WDR33: variants seen among roughly 807,000 people sequenced by gnomAD.
WDR33 encodes the protein WD repeat domain 33, also known as pre-mRNA 3' end processing protein WDR33.
A neutral mutation model predicts 164.9 loss-of-function variants in WDR33; 47 were observed. The ratio of observed to expected loss-of-function variants is 0.29; its 90% confidence interval spans 0.23 to 0.36. The LOEUF (loss-of-function observed/expected upper bound fraction) is 0.36, where lower values mean the gene tolerates loss of function less well. Among genes scored for constraint, WDR33 ranks in the 10% least tolerant of loss-of-function variants. The probability of loss-of-function intolerance (pLI) is 1.00; values close to 1 mark genes in which losing one functional copy is unlikely to be tolerated. For missense variants in WDR33, 1,137 were observed against 1,754.1 expected, an observed-to-expected ratio of 0.65 and a Z score of 6.28; for synonymous variants, 505 against 589.0, an observed-to-expected ratio of 0.86 and a Z score of 2.06.
At chr2:127,774,242 G>A (rs1688109052) in intron 1 of WDR33, among the ~76,000 whole-genome samples, 1 of 151,094 alleles carries the variant, frequency 6.6e-6, no homozygotes, top group Non-Finnish European at 1.5e-5. Flanking sequence ...AGTAAAGACA[G>A]GGTTTCACCA....
Position 127,735,900 on chromosome 2 carries a change from A to C in WDR33, c.725-9123T>G, listed in dbSNP as rs1686826961. 1.0e-6 allele frequency: 1 copy of C among 985,354 alleles called. No homozygotes were observed. Among genetic ancestry groups the C allele is most frequent in the Non-Finnish European group, 1.2e-6 (1 of 829,942 alleles). 61.0% of individuals were successfully genotyped at this position (985,354 alleles called of 1,614,324 possible). ...ATTAGTCATCTTTGTTGTCCAGTCT[A>C]GAAAGTTACATCAGTGAAAAACTAT... On this transcript the variant is annotated intron_variant, in intron 7 of 21. Coordinates refer to ENST00000322313, the MANE Select transcript of WDR33 (RefSeq NM_018383.5). This position sits in a 1 kb window ranked among gnomAD's most constrained non-coding sequence, Gnocchi z 4.3.
chr2:127,785,362 T>C (rs963259878), intron 1 of WDR33, among the ~76,000 whole-genome samples: 79 of 152,212 alleles, frequency 5.2e-4, no homozygotes, highest in African/African-American at 1.7e-3. Context: ...TGTATTAGCA[T>C]ACATAGGTTC....
Position 127,719,281 on chromosome 2 carries a change from CG to C in WDR33, c.2743del (p.Arg915GlyfsTer16). The C allele has an allele frequency of 6.9e-7, 1 of 1,442,480 alleles. No homozygotes were observed. Among genetic ancestry groups the C allele is most frequent in the East Asian group, 2.4e-5 (1 of 41,260 alleles). The allele number at this position is 1,442,480 out of a possible 1,614,324, so 89.4% of individuals were successfully genotyped here. A position where few individuals can be genotyped will look rare whatever the true frequency, so the allele number is the denominator to read the frequency against. ...GAATAATACCTGGTTGAAGGGGGCCCGGGGCCCATCACCTAGCAGAGGCGTT... is the reference window on the plus strand; with the variant it reads ...GAATAATACCTGGTTGAAGGGGGCCCGGGCCCATCACCTAGCAGAGGCGTT... ...QKTPLLGDGP[R>X]APFNQEGQST... On this transcript the variant is annotated frameshift_variant, in exon 16 of 22. Coordinates refer to ENST00000322313, the MANE Select transcript of WDR33 (RefSeq NM_018383.5). LOFTEE classifies it high-confidence loss of function. The surrounding 1 kb of genome is among the most constrained non-coding windows in gnomAD (Gnocchi z 6.5).
chr2:127,805,044 G>C (rs1042081649), intron 1 of WDR33, among the ~76,000 whole-genome samples: 1 of 138,232 alleles, frequency 7.2e-6, no homozygotes, highest in Non-Finnish European at 1.5e-5. Flanking sequence ...CATAAATCAC[G>C]TATCATCACC....
chr2:127,753,121 T>C (rs909981398), intron 7 of WDR33, among the ~76,000 whole-genome samples: 2 of 152,134 alleles, frequency 1.3e-5, no homozygotes, highest in African/African-American at 4.8e-5. Context: ...GAGACGGGGT[T>C]TCACCATGTT....
rs1558942815 is a variant in WDR33, at chr2:127,763,208, A to G, written c.627-49T>C. The G allele has an allele frequency of 4.3e-6, 7 of 1,613,150 alleles. No homozygotes were observed. The highest frequency in any genetic ancestry group is 5.9e-6 in the Non-Finnish European group (7 of 1,179,450). ...GGGGAAAGAAGTCAGCATTTAACAG[A>G]TAATCTGTGCTTCTCAGACAGGGAA... is the stretch of plus-strand genomic sequence containing the variant. On this transcript the variant is annotated intron_variant, in intron 6 of 21. Transcript: ENST00000322313. The surrounding 1 kb of genome is among the most constrained non-coding windows in gnomAD (Gnocchi z 4.5).
chr2:127,772,203 G>A (rs1336678773), intron 1 of WDR33, among the ~76,000 whole-genome samples: 4 of 152,056 alleles, frequency 2.6e-5, no homozygotes, highest in African/African-American at 9.7e-5. Context: ...TTGGGAGGCC[G>A]AGATGGGCGG....
rs1467577080 is a variant in WDR33 at position 127,764,396 on chromosome 2, TCACTTAAGCCTTTTTC to T, written c.626+416_626+431del. On this transcript the variant is annotated intron_variant, in intron 6 of 21. Coordinates refer to ENST00000322313, the MANE Select transcript of WDR33 (RefSeq NM_018383.5). The surrounding 1 kb of genome is among the most constrained non-coding windows in gnomAD (Gnocchi z 6.2). ...TGGCATAACCAAGCCAACCAGGTCTTCACTTAAGCCTTTTTCCACTTTGTGTGAATTCTGAAGTTGT... is the reference window on the plus strand; with the variant it reads ...TGGCATAACCAAGCCAACCAGGTCTTCACTTTGTGTGAATTCTGAAGTTGT... The T allele has an allele frequency of 7.6e-6, 11 of 1,441,082 alleles. No individual in the cohort carries two copies. Among genetic ancestry groups the T allele is most frequent in the African/African-American group, 1.4e-5 (1 of 69,428 alleles). The allele number at this position is 1,441,082 out of a possible 1,614,324, so 89.3% of individuals were successfully genotyped here.
chr2:127,747,903 T>C (rs72846256), intron 7 of WDR33, among the ~76,000 whole-genome samples: 10,000 of 152,280 alleles, frequency 0.066, 441 homozygotes, highest in Middle Eastern at 0.16. Context: ...TGTTCTGACA[T>C]GTACAGCTTA....
In WDR33 at chr2:127,708,736, G is replaced by C. The variant is rs1260464724; in HGVS notation, c.3722C>G (p.Thr1241Ser). The change falls in exon 21 of 22, where the codon ACT becomes AGT. Residue 1241 changes from threonine (T) to serine (S), a missense_variant. By Grantham distance (58) the Thr-to-Ser change is moderately conservative. Transcript: ENST00000322313. The surrounding 1 kb of genome is among the most constrained non-coding windows in gnomAD (Gnocchi z 6.7). ...GGCCTCCATCTCTCTGTGCTCAGAA[G>C]TGCCTGGGCCATCATGCCAGGGGCG... Reference protein sequence around the residue: ...RKRPWHDGPGTSEHREMEAPG... With the variant: ...RKRPWHDGPGSSEHREMEAPG... 6.2e-7 allele frequency: 1 copy of C among 1,613,758 alleles called. No individual in the cohort carries two copies. The highest frequency in any genetic ancestry group is 8.5e-7 in the Non-Finnish European group (1 of 1,179,776).
intron 3 of WDR33, 102 bp from the exon 4 acceptor site, chr2:127,768,395 G>A (rs954949346): frequency 2.2e-5 from 14 of 635,708 alleles, no homozygotes; most frequent in Non-Finnish European, 3.5e-5. Context: ...AGACAAATTT[G>A]GGACCATATA....
In WDR33 at chr2:127,724,797, A is replaced by T. The variant is rs1194288182; in HGVS notation, c.1085+90T>A. ...AGTCTCTGATATAGGATATATGAACACTTAGAAAAGCTACAAAACTATCAT... is the reference window on the plus strand; with the variant it reads ...AGTCTCTGATATAGGATATATGAACTCTTAGAAAAGCTACAAAACTATCAT... On this transcript the variant is annotated intron_variant, in intron 10 of 21. Transcript: ENST00000322313. This position sits in a 1 kb window ranked among gnomAD's most constrained non-coding sequence, Gnocchi z 4.8. 7.1e-6 allele frequency: 10 copies of T among 1,414,164 alleles called. No individual in the cohort carries two copies. Among genetic ancestry groups the T allele is most frequent in the Non-Finnish European group, 8.0e-6 (8 of 1,000,942 alleles). 87.6% of individuals were successfully genotyped at this position (1,414,164 alleles called of 1,614,324 possible).
At chr2:127,761,849 T>C (rs1349385025) in intron 7 of WDR33, among the ~76,000 whole-genome samples, 2 of 152,184 alleles carry the variant, frequency 1.3e-5, no homozygotes. Flanking sequence ...TCCCTATTCT[T>C]ACAAAAGCTA....
chr2:127,707,266 GA>G (rs956421973), intron 21 of WDR33, among the ~76,000 whole-genome samples: 5 of 150,020 alleles, frequency 3.3e-5, no homozygotes, highest in African/African-American at 9.8e-5. Flanking sequence ...AAAGGAAAAG[GA>G]AAAAAAATTC....
chr2:127,784,020 A>C (rs1413285862), intron 1 of WDR33, among the ~76,000 whole-genome samples: 1 of 152,116 alleles, frequency 6.6e-6, no homozygotes, highest in Non-Finnish European at 1.5e-5. Flanking sequence ...ATATTAATTC[A>C]TTTTTAAATA....
At position 127,714,166 on chromosome 2, in the gene WDR33, T is replaced by C; in HGVS notation, c.2870-145A>G. On this transcript the variant is annotated intron_variant, in intron 17 of 21. Coordinates refer to ENST00000322313, the MANE Select transcript of WDR33 (RefSeq NM_018383.5). This position sits in a 1 kb window ranked among gnomAD's most constrained non-coding sequence, Gnocchi z 4.3. ...GTTCTCAGCTTAGTTAGGAGACAAA[T>C]GTCCCTGAAGCATTGGGTAATAGAA... The C allele has an allele frequency of 1.0e-6, 1 of 993,950 alleles. No homozygotes were observed. The highest frequency in any genetic ancestry group is 1.4e-6 in the Non-Finnish European group (1 of 718,294). 61.6% of individuals were successfully genotyped at this position (993,950 alleles called of 1,614,324 possible).
Position 127,721,958 on chromosome 2 carries a change from C to T in WDR33, c.1549G>A (p.Ala517Thr). The change falls in exon 15 of 22, where the codon GCT becomes ACT. Residue 517 changes from alanine to threonine, a missense_variant. Physicochemically the swap from Ala to Thr is moderately conservative, Grantham distance 58. This residue lies in a region of WDR33 where 75 missense variants were observed against 124.7 expected (regional missense o/e 0.60). Transcript: ENST00000322313. This position sits in a 1 kb window ranked among gnomAD's most constrained non-coding sequence, Gnocchi z 4.9. Reference sequence around the variant, plus strand: ...CTGTCATTCAGCACCTCATTTGGAGCAGGAATTGGAACTTTATTTTGCATC... The same window carrying T: ...CTGTCATTCAGCACCTCATTTGGAGTAGGAATTGGAACTTTATTTTGCATC... ...AWMQNKVPIP[A>T]PNEVLNDRKE... The T allele has an allele frequency of 6.2e-7, 1 of 1,613,050 alleles. No homozygotes were observed. Among genetic ancestry groups the T allele is most frequent in the Non-Finnish European group, 8.5e-7 (1 of 1,179,832 alleles).
At chr2:127,780,330 T>C (rs1249251708) in intron 1 of WDR33, among the ~76,000 whole-genome samples, 1 of 152,206 alleles carries the variant, frequency 6.6e-6, no homozygotes, top group African/African-American at 2.4e-5. Context: ...TTTTAGATTA[T>C]TTATGTATAG....
In WDR33 at chr2:127,764,601, G is replaced by A. The variant is rs10192518; in HGVS notation, c.626+227C>T. ...AAACCAGTGCAAAATGCGGCAGACA[G>A]TACATCTCTAACATATTGCAAAGGC... On this transcript the variant is annotated intron_variant, in intron 6 of 21. Transcript: ENST00000322313. The surrounding 1 kb of genome is among the most constrained non-coding windows in gnomAD (Gnocchi z 6.2). 6,168 of 1,552,672 alleles carry A rather than the reference G, an allele frequency of 4.0e-3. 228 individuals are homozygous for A. In the African/African-American group the frequency reaches 0.077, roughly 19 times the overall value.
Sources: allele counts gnomAD v4.1 joint callset (sites outside exome capture counted in the v4.1 genomes callset), GRCh38; gene constraint gnomAD v4.1.1; regional missense constraint gnomAD v4.1.1; non-coding constraint Gnocchi (gnomAD v3.1); transcripts MANE v1.5; gene names NCBI Gene and HGNC (gene_info 2026-07-23, HGNC 2026-07-21).